HMCN1: variants seen among roughly 807,000 people sequenced by gnomAD.
HMCN1 encodes hemicentin 1.
In HMCN1, 321 loss-of-function variants were observed where a neutral mutation model predicts 625.9. The ratio of observed to expected loss-of-function variants is 0.51; its 90% CI spans 0.47 to 0.56. The LOEUF (loss-of-function observed/expected upper bound fraction) is 0.56, where lower values mean the gene tolerates loss of function less well. HMCN1 is among the 20% of genes least tolerant of loss of function. HMCN1 has a pLI of 0.00. For synonymous variants in HMCN1, 2,425 were observed against 2,417.6 expected, an observed-to-expected ratio of 1.00 and a Z score of -0.09; for missense variants, 6,588 against 6,887.3, an observed-to-expected ratio of 0.96 and a Z score of 1.54.
chr1:185,768,926 C>A (rs542825005), intron 1 of HMCN1, among the ~76,000 whole-genome samples: 1 of 151,924 alleles, frequency 6.6e-6, no homozygotes, highest in Non-Finnish European at 1.5e-5. Context: ...GTAGAAAAGA[C>A]GAAAAGAGAT....
Position 186,171,376 on chromosome 1 carries a change from G to T in HMCN1, c.15614G>T (p.Arg5205Leu), listed in dbSNP as rs150188026. The T allele has an allele frequency of 2.1e-5, 34 of 1,613,322 alleles. No individual in the cohort carries two copies. The highest frequency in any genetic ancestry group is 2.7e-5 in the Non-Finnish European group (32 of 1,179,510). Reference sequence around the variant, plus strand: ...CAAGAATCCAGCCCCTGTCACCAGCGCTGTTTCAATGCCATAGGAAGTTTC... The same window carrying T: ...CAAGAATCCAGCCCCTGTCACCAGCTCTGTTTCAATGCCATAGGAAGTTTC... Reference protein sequence around the residue: ...ECQESSPCHQRCFNAIGSFHC... With the variant: ...ECQESSPCHQLCFNAIGSFHC... Residue 5205 changes from arginine (R) to leucine (L), a missense_variant, in exon 101 of 107, where the codon CGC (arginine) becomes CTC (leucine). Arg to Leu is a moderately radical substitution (Grantham distance 102). Coordinates refer to ENST00000271588, the MANE Select transcript of HMCN1 (RefSeq NM_031935.3).
chr1:185,900,353 T>C (rs1252980601), intron 4 of HMCN1, among the ~76,000 whole-genome samples: 4 of 152,072 alleles, frequency 2.6e-5, no homozygotes, highest in Non-Finnish European at 4.4e-5. Flanking sequence ...ACCTATATTA[T>C]TGCTAATGTT....
chr1:185,959,286 G>A (rs1649844705), intron 11 of HMCN1, among the ~76,000 whole-genome samples: 1 of 152,130 alleles, frequency 6.6e-6, no homozygotes, highest in South Asian at 2.1e-4. Flanking sequence ...TGTGTCTCCT[G>A]AGCTTGAAGA....
intron 1 of HMCN1, among the ~76,000 whole-genome samples, chr1:185,754,291 C>T (rs141909318): frequency 1.3e-3 from 193 of 152,124 alleles, no homozygotes; most frequent in African/African-American, 4.3e-3. Flanking sequence ...TGTTGGTGAA[C>T]GGATACAATG....
chr1:186,001,179 G>A (rs1432745273), intron 26 of HMCN1, 119 bp from the exon 27 acceptor site: 2 of 865,482 alleles, frequency 2.3e-6, no homozygotes, highest in Non-Finnish European at 3.7e-6. Flanking sequence ...GCTTAAATAT[G>A]TCTAGCTTTT....
rs1416568363 is a variant in HMCN1 at position 186,119,897 on chromosome 1, T to C, written c.12094+15T>C. ...TAACACTTCAGGTACCTACCACTGT[T>C]TTTCTATCAAGAAAATCATAGCACA... On this transcript the variant is annotated intron_variant, in intron 79 of 106. Transcript: ENST00000271588. 6 of 1,614,088 alleles carry C rather than the reference T, an allele frequency of 3.7e-6. No individual in the cohort carries two copies. In the East Asian group the frequency reaches 6.7e-5, roughly 18 times the overall value.
At chr1:185,832,905 C>T (rs960153112) in intron 1 of HMCN1, among the ~76,000 whole-genome samples, 1 of 152,130 alleles carries the variant, frequency 6.6e-6, no homozygotes, top group African/African-American at 2.4e-5. Context: ...CAAATTGGCA[C>T]AAAATAACCA....
chr1:186,127,080 AAGAATG>A (rs1661685058), intron 82 of HMCN1, among the ~76,000 whole-genome samples: 1 of 152,110 alleles, frequency 6.6e-6, no homozygotes, highest in Non-Finnish European at 1.5e-5. Flanking sequence ...GAAAAAAAAT[AAGAATG>A]ACTCAAATGT....
At chr1:186,158,139 G>C (rs1227451916) in intron 97 of HMCN1, among the ~76,000 whole-genome samples, 1 of 149,258 alleles carries the variant, frequency 6.7e-6, no homozygotes. Flanking sequence ...CATTCTAACT[G>C]GTGTGAGATG....
chr1:185,857,417 C>A (rs1404500667), intron 2 of HMCN1, among the ~76,000 whole-genome samples: 2 of 151,990 alleles, frequency 1.3e-5, no homozygotes, highest in African/African-American at 4.8e-5. Context: ...ATTTAGGGAG[C>A]TGTCTAATTC....
intron 43 of HMCN1, among the ~76,000 whole-genome samples, 166 bp from the exon 44 acceptor site, chr1:186,053,659 A>G (rs1657116100): frequency 6.6e-6 from 1 of 152,070 alleles, no homozygotes; most frequent in Non-Finnish European, 1.5e-5. Flanking sequence ...TTTTCAGTTC[A>G]TTTAAATATT....
intron 103 of HMCN1, among the ~76,000 whole-genome samples, chr1:186,175,103 T>C (rs1392481782): frequency 6.6e-6 from 1 of 152,204 alleles, no homozygotes; most frequent in Non-Finnish European, 1.5e-5. Flanking sequence ...ATATATTTAA[T>C]GCTTACTGTG....
chr1:186,052,106 G>A (rs1490464529), intron 42 of HMCN1, among the ~76,000 whole-genome samples: 7 of 151,874 alleles, frequency 4.6e-5, no homozygotes, highest in Admixed American at 2.0e-4. Context: ...ACTCTTCAGT[G>A]AATAAAGGAA....
intron 10 of HMCN1, among the ~76,000 whole-genome samples, 186 bp downstream of exon 10, chr1:185,928,853 CTAAT>C (rs1667405112): frequency 6.6e-6 from 1 of 151,958 alleles, no homozygotes; most frequent in African/African-American, 2.4e-5. Flanking sequence ...TCTCCTTGGG[CTAAT>C]TGTTTAAGAA....
chr1:186,163,908 A>G (rs1374910807), intron 97 of HMCN1, among the ~76,000 whole-genome samples: 1 of 152,144 alleles, frequency 6.6e-6, no homozygotes, highest in Non-Finnish European at 1.5e-5. Context: ...TAGCCCCCCT[A>G]TTTATAACCA....
chr1:185,821,887 T>TA (rs112180883), intron 1 of HMCN1, among the ~76,000 whole-genome samples: 9,265 of 126,874 alleles, frequency 0.073, 737 homozygotes, highest in African/African-American at 0.21. Flanking sequence ...TGCTTTGCTT[T>TA]AAAAAAAAAA....
At chr1:186,087,873 A>G in intron 60 of HMCN1, 59 bp from the exon 61 acceptor site, 1 of 1,442,168 alleles carries the variant, frequency 6.9e-7, no homozygotes, top group Non-Finnish European at 9.8e-7. Flanking sequence ...AAACTCGAAC[A>G]GTATGATTGG....
chr1:185,933,340 G>T (rs1667647940), intron 10 of HMCN1, among the ~76,000 whole-genome samples: 1 of 151,984 alleles, frequency 6.6e-6, no homozygotes, highest in African/African-American at 2.4e-5. Flanking sequence ...GTATCCTTTG[G>T]TATGTAAATG....
chr1:185,833,778 C>A, intron 1 of HMCN1, among the ~76,000 whole-genome samples: 1 of 151,884 alleles, frequency 6.6e-6, no homozygotes, highest in East Asian at 1.9e-4. Flanking sequence ...TTAGTATTTT[C>A]TTTTTCTTAA....
Sources: gnomAD v4.1 joint callset for allele counts (sites outside exome capture counted in the v4.1 genomes callset) on GRCh38, gnomAD v4.1.1 for gene constraint, MANE v1.5 for transcripts, NCBI Gene and HGNC (gene_info 2026-07-23, HGNC 2026-07-21) for gene names.